BACH2: variants seen among roughly 807,000 people sequenced by gnomAD.
BACH2 encodes transcription regulator protein BACH2.
BACH2 carries 5 observed loss-of-function variants against 61.8 expected under a neutral mutation model. The observed-to-expected ratio is 0.08, with a 90% confidence interval of 0.04 to 0.17. The LOEUF is 0.17. BACH2 is among the 10% of genes least tolerant of loss of function. BACH2 has a pLI of 1.00. For synonymous variants in BACH2, 446 were observed against 440.1 expected, an observed-to-expected ratio of 1.01 and a Z score of -0.17; for missense variants, 824 against 1,091.1, an observed-to-expected ratio of 0.76 and a Z score of 3.45.
At chr6:90,086,305 CATCT>C (rs1392518044) in intron 5 of BACH2, among the ~76,000 whole-genome samples, 1 of 152,180 alleles carries the variant, frequency 6.6e-6, no homozygotes, top group African/African-American at 2.4e-5. Context: ...GTTGTACACA[CATCT>C]ATCTGCTCAA....
chr6:90,269,644 G>A (rs2042847760), intron 2 of BACH2, among the ~76,000 whole-genome samples: 1 of 152,134 alleles, frequency 6.6e-6, no homozygotes, highest in Non-Finnish European at 1.5e-5. Flanking sequence ...AGAAGTCAGA[G>A]AAAATTTAGG....
At chr6:90,281,560 T>C (rs1162407827) in intron 1 of BACH2, among the ~76,000 whole-genome samples, 1 of 152,160 alleles carries the variant, frequency 6.6e-6, no homozygotes, top group African/African-American at 2.4e-5. Flanking sequence ...GACAATCATA[T>C]TAAATCATAT....
At chr6:90,190,759 G>A (rs934801992) in intron 4 of BACH2, among the ~76,000 whole-genome samples, 1 of 152,096 alleles carries the variant, frequency 6.6e-6, no homozygotes, top group Non-Finnish European at 1.5e-5. Context: ...ACCAAATATT[G>A]TATTCACTTC....
intron 1 of BACH2, among the ~76,000 whole-genome samples, chr6:90,288,918 TG>T (rs1395652320): frequency 6.6e-6 from 1 of 151,796 alleles, no homozygotes; most frequent in African/African-American, 2.4e-5. Flanking sequence ...AGGGTAGGAG[TG>T]TGAGTTACAA....
At chr6:90,120,378 T>C (rs1783574278) in intron 4 of BACH2, among the ~76,000 whole-genome samples, 1 of 152,064 alleles carries the variant, frequency 6.6e-6, no homozygotes, top group Admixed American at 6.6e-5. Flanking sequence ...TTAAACAAAT[T>C]TGAAATAAAA....
chr6:90,091,396 A>G (rs1782152096), intron 4 of BACH2, among the ~76,000 whole-genome samples: 1 of 152,214 alleles, frequency 6.6e-6, no homozygotes, highest in African/African-American at 2.4e-5. Flanking sequence ...GAAAGACATG[A>G]AGACACAGAT....
At chr6:90,145,519 A>C (rs1412009642) in intron 4 of BACH2, among the ~76,000 whole-genome samples, 3 of 152,232 alleles carry the variant, frequency 2.0e-5, no homozygotes, top group African/African-American at 7.2e-5. Context: ...ACACACATAT[A>C]AACTTTTCAG....
At chr6:90,011,628 C>T (rs1582191503) in intron 5 of BACH2, among the ~76,000 whole-genome samples, 1 of 152,238 alleles carries the variant, frequency 6.6e-6, no homozygotes, top group African/African-American at 2.4e-5. Flanking sequence ...TGTGCATCAC[C>T]GTATCTGGCT....
intron 4 of BACH2, among the ~76,000 whole-genome samples, chr6:90,138,377 C>T (rs892791103): frequency 2.6e-5 from 4 of 152,118 alleles, no homozygotes; most frequent in Non-Finnish European, 4.4e-5. Flanking sequence ...GTGGCGTGTG[C>T]CTGTAGTCTC....
intron 5 of BACH2, among the ~76,000 whole-genome samples, chr6:90,085,535 T>TTTAGTAGA (rs1421155760): frequency 6.6e-6 from 1 of 152,228 alleles, no homozygotes; most frequent in Non-Finnish European, 1.5e-5. Flanking sequence ...TAAATGGCAT[T>TTTAGTAGA]TTAGTAGAGA....
chr6:90,080,461 A>G (rs945789740), intron 5 of BACH2, among the ~76,000 whole-genome samples: 1 of 152,164 alleles, frequency 6.6e-6, no homozygotes, highest in African/African-American at 2.4e-5. Context: ...TCTGATATTT[A>G]GAGATAACCA....
intron 3 of BACH2, among the ~76,000 whole-genome samples, chr6:90,246,924 A>G (rs1770654727): frequency 6.6e-6 from 1 of 152,214 alleles, no homozygotes; most frequent in African/African-American, 2.4e-5. Context: ...ACCTGACGTT[A>G]AAGTCCTATG....
At chr6:90,282,654 G>T (rs976554973) in intron 1 of BACH2, among the ~76,000 whole-genome samples, 4 of 151,808 alleles carry the variant, frequency 2.6e-5, no homozygotes, top group African/African-American at 9.7e-5. Context: ...ATTCCTTTGG[G>T]TATATGCACA....
chr6:90,055,189 G>C (rs1031048934), intron 5 of BACH2, among the ~76,000 whole-genome samples: 5 of 151,186 alleles, frequency 3.3e-5, no homozygotes, highest in Admixed American at 2.6e-4. Context: ...TACAGGAGGA[G>C]CTTTGAACCA....
intron 1 of BACH2, among the ~76,000 whole-genome samples, chr6:90,295,971 G>A (rs532371418): frequency 2.6e-5 from 4 of 152,150 alleles, no homozygotes; most frequent in East Asian, 2.0e-4. Flanking sequence ...GAGCAGCCCG[G>A]GATGCGCACG....
At chr6:89,986,523 CT>C (rs1776249763) in intron 6 of BACH2, among the ~76,000 whole-genome samples, 1 of 151,966 alleles carries the variant, frequency 6.6e-6, no homozygotes, top group Non-Finnish European at 1.5e-5. Flanking sequence ...TTAAAGTTTT[CT>C]TTTAATTTTT....
rs1451131729 is a variant in BACH2 at position 89,938,432 on chromosome 6, C to T, written c.1837-82G>A. ...CGGAACATCAAAAATGATAAAACCT[C>T]CTTTTTATGATGACCAAGTAATATG... On this transcript the variant is annotated intron_variant, in intron 7 of 8. Coordinates refer to ENST00000257749, the MANE Select transcript of BACH2 (RefSeq NM_021813.4). 3.4e-6 allele frequency: 4 copies of T among 1,181,932 alleles called. No individual in the cohort carries two copies. The East Asian group carries it at 7.3e-5, about 22-fold the overall frequency. The allele number at this position is 1,181,932 out of a possible 1,614,324, so 73.2% of individuals were successfully genotyped here. A position where few individuals can be genotyped will look rare whatever the true frequency, so the allele number is the denominator to read the frequency against.
intron 4 of BACH2, among the ~76,000 whole-genome samples, chr6:90,118,063 T>C (rs879788966): frequency 5.9e-5 from 9 of 152,202 alleles, no homozygotes; most frequent in Admixed American, 3.9e-4. Flanking sequence ...TATGTGGCTA[T>C]GTTAAAGACA....
At chr6:90,261,739 T>C (rs1771165314) in intron 2 of BACH2, among the ~76,000 whole-genome samples, 1 of 152,200 alleles carries the variant, frequency 6.6e-6, no homozygotes, top group South Asian at 2.1e-4. Flanking sequence ...GTTCTCTGTT[T>C]CCTACATTAA....
Sources: gnomAD v4.1 joint callset for allele counts (sites outside exome capture counted in the v4.1 genomes callset) on GRCh38, gnomAD v4.1.1 for gene constraint, MANE v1.5 for transcripts, NCBI Gene and HGNC (gene_info 2026-07-23, HGNC 2026-07-21) for gene names.